The following NEB variants were observed in gnomAD, a reference collection of about 807,000 sequenced individuals.
The protein encoded by NEB is nemaline myopathy type 2.
NEB carries 512 observed loss-of-function variants against 952.2 expected under a neutral mutation model. That is an observed-to-expected ratio of 0.54 (90% CI 0.50 to 0.58). The LOEUF is 0.58. NEB is among the 20% of genes least tolerant of loss of function. NEB has a pLI of 0.00. For synonymous variants in NEB, 2,900 were observed against 3,149.8 expected (o/e 0.92, Z 2.66); for missense variants, 8,428 against 9,231.1 (o/e 0.91, Z 3.56).
At chr2:151,720,345 C>T (rs752399918) in intron 9 of NEB, among the ~76,000 whole-genome samples, 1 of 152,206 alleles carries the variant, frequency 6.6e-6, no homozygotes, top group Non-Finnish European at 1.5e-5. Flanking sequence ...CTGCAAACAA[C>T]AGCTTGCTTA....
chr2:151,501,022 T>C (rs2064064050), intron 168 of NEB, among the ~76,000 whole-genome samples: 1 of 152,190 alleles, frequency 6.6e-6, no homozygotes, highest in Non-Finnish European at 1.5e-5. Flanking sequence ...TTTCTATATG[T>C]GGCTTCAAGT....
chr2:151,697,503 G>T, intron 14 of NEB, 41 bp downstream of exon 14: 1 of 1,604,320 alleles, frequency 6.2e-7, no homozygotes, highest in Non-Finnish European at 8.5e-7. Context: ...GAAATAATGG[G>T]TTCTTTTTTT....
At chr2:151,498,932 G>GTACT (rs1354703218) in intron 169 of NEB, among the ~76,000 whole-genome samples, 1 of 151,742 alleles carries the variant, frequency 6.6e-6, no homozygotes, top group African/African-American at 2.4e-5. Flanking sequence ...AATAACAGTA[G>GTACT]AGATAGAAAA....
At chr2:151,540,673 C>G (rs1316703770) in intron 137 of NEB, 24 bp downstream of exon 137, 3 of 1,589,788 alleles carry the variant, frequency 1.9e-6, no homozygotes, top group South Asian at 1.1e-5. Flanking sequence ...TACCCAGTGC[C>G]TCAGTGCTGA....
intron 124 of NEB, among the ~76,000 whole-genome samples, chr2:151,555,587 C>T (rs1436034138): frequency 2.0e-5 from 3 of 152,060 alleles, no homozygotes; most frequent in Non-Finnish European, 2.9e-5. Flanking sequence ...CCATGTTGCC[C>T]GTTAATTAGT....
chr2:151,491,777 T>C lies in NEB; in HGVS notation c.25058-2A>G. ...GATTAGTACGCCAGACACGTAAACC[T>C]GAAAGGGAAACCAGTGATCAGAACA... is the stretch of plus-strand genomic sequence containing the variant. On this transcript the variant is annotated splice_acceptor_variant, in intron 178 of 181. Transcript: ENST00000397345. LOFTEE classifies it high-confidence loss of function. The C allele has an allele frequency of 6.3e-7, 1 of 1,578,496 alleles. No individual in the cohort carries two copies. Among genetic ancestry groups the C allele is most frequent in the Non-Finnish European group, 8.6e-7 (1 of 1,160,416 alleles).
chr2:151,687,599 G>A, intron 26 of NEB, 27 bp downstream of exon 26: 2 of 1,613,276 alleles, frequency 1.2e-6, no homozygotes, highest in Non-Finnish European at 1.7e-6. Context: ...CCCTGTCCAG[G>A]TCCCCAGGTC....
chr2:151,722,323 G>A (rs2099776576), intron 9 of NEB, among the ~76,000 whole-genome samples: 2 of 152,104 alleles, frequency 1.3e-5, no homozygotes, highest in Admixed American at 1.3e-4. Context: ...GGCCCAAGTG[G>A]GTCTCTCTGC....
At position 151,614,382 on chromosome 2, in the gene NEB, A is replaced by T; in HGVS notation, c.11495T>A (p.Ile3832Asn). Residue 3832 changes from isoleucine (I) to asparagine (N), a missense_variant, in exon 77 of 182, where the codon ATC (isoleucine) becomes AAC (asparagine). By Grantham distance (149) the Ile-to-Asn change is moderately radical. Transcript: ENST00000397345. Reference sequence around the variant, plus strand: ...CTTGTAGTCTATGTCGCTTACAAGGATCTGACACTTCTTGGCCAGCACCAC... The same window carrying T: ...CTTGTAGTCTATGTCGCTTACAAGGTTCTGACACTTCTTGGCCAGCACCAC... Reference protein sequence around the residue: ...LGVVLAKKCQILVSDIDYKHP... With the variant: ...LGVVLAKKCQNLVSDIDYKHP... 21 of 1,613,876 alleles carry T rather than the reference A, an allele frequency of 1.3e-5. No homozygotes were observed. The highest frequency in any genetic ancestry group is 1.7e-5 in the Non-Finnish European group (20 of 1,179,844).
rs1283962742 is a variant in NEB, at chr2:151,485,576, T to C, written c.*184A>G. On this transcript the variant is annotated 3_prime_UTR_variant, in exon 182 of 182. Coordinates refer to ENST00000397345, the MANE Select transcript of NEB (RefSeq NM_001164508.2). ...CACAGAAATAATATTGCAGAAGCTT[T>C]TAAAGTGTCTGTTCTGCAACTTATT... 8.5e-6 allele frequency: 4 copies of C among 468,118 alleles called. No individual in the cohort carries two copies. Among genetic ancestry groups the C allele is most frequent in the African/African-American group, 7.8e-5 (4 of 51,388 alleles). 29.0% of individuals were successfully genotyped at this position (468,118 alleles called of 1,614,324 possible).
chr2:151,561,071 T>C lies in NEB; in HGVS notation c.19139A>G (p.Lys6380Arg), dbSNP rs757621444. 82 of 1,605,412 alleles carry C rather than the reference T, an allele frequency of 5.1e-5. No individual in the cohort carries two copies. The highest frequency in any genetic ancestry group is 6.8e-5 in the Admixed American group (4 of 59,234). ...CACTGTTTCTAGAACTGTTGTGTAT[T>C]TGTCCTTAATCTGATGATAATTTTC... ...YKENYHQIKD[K>R]YTTVLETVDY... Residue 6380 changes from lysine (K) to arginine (R), a missense_variant, in exon 123 of 182, where the codon AAA becomes AGA. This residue lies in a region of NEB where 3,374 missense variants were observed against 3,651.5 expected (regional missense o/e 0.92). Transcript: ENST00000397345.
intron 166 of NEB, 44 bp downstream of exon 166, chr2:151,503,304 AT>A (rs751129598): frequency 2.8e-5 from 40 of 1,430,286 alleles, no homozygotes; most frequent in Non-Finnish European, 3.7e-5. Flanking sequence ...ATTGTGGTAA[AT>A]TTTTTATGGG....
intron 154 of NEB, 148 bp from the exon 155 acceptor site, chr2:151,519,217 A>T: frequency 1.5e-6 from 1 of 663,112 alleles, no homozygotes. Flanking sequence ...AGAAGGCAGA[A>T]ACAACCCAAG....
intron 107 of NEB, 57 bp from the exon 108 acceptor site, chr2:151,570,658 TG>T: frequency 6.8e-7 from 1 of 1,473,948 alleles, no homozygotes; most frequent in Non-Finnish European, 9.3e-7. Context: ...ATACCTTCAA[TG>T]GCTCAGGTGG....
In NEB at chr2:151,655,863, G is replaced by A. The variant is rs1197259644; in HGVS notation, c.6656C>T (p.Ser2219Phe). ...CTGCTTGGCAAGCACCATGTCCATGGAATCAGTCAGCTTCTTAAACTGGAA... is the reference window on the plus strand; with the variant it reads ...CTGCTTGGCAAGCACCATGTCCATGAAATCAGTCAGCTTCTTAAACTGGAA... ...SNFQFKKLTD[S>F]MDMVLAKQNA... Residue 2219 changes from serine to phenylalanine, a missense_variant, in exon 50 of 182, where the codon TCC (serine) becomes TTC (phenylalanine). Ser to Phe is a radical substitution (Grantham distance 155). Around this residue, in one of 11 missense-constraint regions of NEB, gnomAD observed 2,851 missense variants for 2,791.5 expected, o/e 1.02. Transcript: ENST00000397345. 1.2e-6 allele frequency: 2 copies of A among 1,613,728 alleles called. No homozygotes were observed. The highest frequency in any genetic ancestry group is 4.5e-5 in the East Asian group (2 of 44,862).
intron 61 of NEB, 126 bp downstream of exon 61, chr2:151,640,229 T>A: frequency 6.7e-7 from 1 of 1,484,934 alleles, no homozygotes; most frequent in South Asian, 1.3e-5. Flanking sequence ...AAAATTCCTG[T>A]CGATAAAGGC....
intron 162 of NEB, chr2:151,507,796 C>T (rs180942330): frequency 1.0e-4 from 54 of 529,974 alleles, no homozygotes; most frequent in African/African-American, 4.9e-4. Flanking sequence ...ATACCACCAA[C>T]GAAGTAACAG....
At chr2:151,646,389 C>T (rs971807798) in intron 54 of NEB, among the ~76,000 whole-genome samples, 155 bp from the exon 55 acceptor site, 3 of 152,154 alleles carry the variant, frequency 2.0e-5, no homozygotes, top group Non-Finnish European at 4.4e-5. Context: ...TGCAATATTT[C>T]TTGACTTATC....
rs374949827 is a variant in NEB at position 151,563,841 on chromosome 2, A to T, written c.18561T>A (p.Ala6187=). 6.2e-7 allele frequency: 1 copy of T among 1,613,474 alleles called. No homozygotes were observed. Among genetic ancestry groups the T allele is most frequent in the East Asian group, 2.2e-5 (1 of 44,792 alleles). Residue 6187 remains alanine (A), a synonymous_variant, in exon 118 of 182, where the codon GCT becomes GCA. Coordinates refer to ENST00000397345, the MANE Select transcript of NEB (RefSeq NM_001164508.2). ...TACTGACCTCACTGTTCACCAGATC[A>T]GCATGCTTGGCTCCAACAATGGGAA... The part of the protein sequence containing the change: ...RYIPIVGAKH[A]DLVNSELKYK...
Sources: allele counts gnomAD v4.1 joint callset (sites outside exome capture counted in the v4.1 genomes callset), GRCh38; gene constraint gnomAD v4.1.1; regional missense constraint gnomAD v4.1.1; transcripts MANE v1.5; gene names NCBI Gene and HGNC (gene_info 2026-07-23, HGNC 2026-07-21).